ATE1: variants seen among roughly 807,000 people sequenced by gnomAD.
ATE1 encodes arginyl-tRNA--protein transferase 1.
In ATE1, 36 loss-of-function variants were observed where a neutral mutation model predicts 70.5. The observed-to-expected ratio is 0.51, with a 90% confidence interval of 0.39 to 0.67. ATE1 has a LOEUF of 0.67. Among genes scored for constraint, ATE1 ranks in the 30% least tolerant of loss-of-function variants. ATE1 has a pLI of 0.00. For synonymous variants in ATE1, 232 were observed against 219.3 expected, an observed-to-expected ratio of 1.06 and a Z score of -0.51; for missense variants, 593 against 629.5, an observed-to-expected ratio of 0.94 and a Z score of 0.62.
rs184409410 is a variant in ATE1, at chr10:121,806,522, A to G, written c.1258-16233T>C. Among the ~76,000 whole-genome samples, 78 of 152,210 alleles carry G rather than the reference A, an allele frequency of 5.1e-4. No homozygotes were observed. The East Asian group carries it at 0.013, about 25-fold the overall frequency. Reference sequence around the variant, plus strand: ...GATTAAACCCAGGATTGAGGGGGGGAAAGAATAAAATACACTATCAGGACA... The same window carrying G: ...GATTAAACCCAGGATTGAGGGGGGGGAAGAATAAAATACACTATCAGGACA... On this transcript the variant is annotated intron_variant, in intron 10 of 11. Transcript: ENST00000224652.
At chr10:121,778,684 C>T (rs1384256245) in intron 11 of ATE1, among the ~76,000 whole-genome samples, 1 of 151,110 alleles carries the variant, frequency 6.6e-6, no homozygotes, top group Non-Finnish European at 1.5e-5. Context: ...TCACTGCAGC[C>T]TCCAGCTCCT....
At position 121,794,859 on chromosome 10, in the gene ATE1, TG is replaced by T. The variant is rs1173110441; in HGVS notation, c.1258-4571del. On this transcript the variant is annotated intron_variant, in intron 10 of 11. Transcript: ENST00000224652. ...GAGTCCTTAAGGTTAAAACAGAGCCTGTTTTCCTTCATAACATAAACCTTGC... is the reference window on the plus strand; with the variant it reads ...GAGTCCTTAAGGTTAAAACAGAGCCTTTTTCCTTCATAACATAAACCTTGC... Among the ~76,000 whole-genome samples the T allele has an allele frequency of 7.8e-3, 1,194 of 152,258 alleles. 14 individuals carry two copies. Among genetic ancestry groups the T allele is most frequent in the African/African-American group, 0.028 (1,152 of 41,546 alleles).
chr10:121,807,950 T>C (rs1265564957), intron 10 of ATE1, among the ~76,000 whole-genome samples: 1 of 152,150 alleles, frequency 6.6e-6, no homozygotes, highest in African/African-American at 2.4e-5. Context: ...GCCTGAAGTA[T>C]TTACTATCTG....
rs528699013 is a variant in ATE1 at position 121,919,770 on chromosome 10, C to T, written c.233+2579G>A. ...AAAATTAACCAGGCCTAGCGGTGGG[C>T]ATCTGTAGTCCCGGATACTCAGGTG... On this transcript the variant is annotated intron_variant, in intron 3 of 11. Transcript: ENST00000224652. Among the ~76,000 whole-genome samples the T allele has an allele frequency of 3.9e-5, 6 of 152,114 alleles. No individual in the cohort carries two copies. The East Asian group carries it at 1.2e-3, about 30-fold the overall frequency.
intron 11 of ATE1, among the ~76,000 whole-genome samples, chr10:121,762,979 T>C (rs1018122544): frequency 1.3e-5 from 2 of 152,174 alleles, no homozygotes; most frequent in Admixed American, 1.3e-4. Context: ...CAAGAACCTA[T>C]TGATGATGTT....
chr10:121,798,697 C>T (rs571885395), intron 10 of ATE1, among the ~76,000 whole-genome samples: 40 of 152,174 alleles, frequency 2.6e-4, no homozygotes, highest in African/African-American at 6.7e-4. Context: ...GTCAGGAATT[C>T]GAGATCAGCC....
intron 11 of ATE1, among the ~76,000 whole-genome samples, chr10:121,773,605 C>T (rs1391004118): frequency 3.3e-5 from 5 of 151,820 alleles, no homozygotes; most frequent in African/African-American, 1.2e-4. Context: ...CAAACCTTTA[C>T]GAACTCTTCT....
At chr10:121,760,387 A>G (rs940398200) in intron 11 of ATE1, among the ~76,000 whole-genome samples, 1 of 152,240 alleles carries the variant, frequency 6.6e-6, no homozygotes, top group African/African-American at 2.4e-5. Context: ...AACATTTATT[A>G]TTCATGGGAG....
At chr10:121,751,241 A>G (rs1338115014) in intron 11 of ATE1, among the ~76,000 whole-genome samples, 2 of 152,250 alleles carry the variant, frequency 1.3e-5, no homozygotes, top group Non-Finnish European at 2.9e-5. Context: ...AGCTTGTAAA[A>G]TGTCATTTAA....
intron 10 of ATE1, among the ~76,000 whole-genome samples, chr10:121,790,951 TG>T (rs1385579830): frequency 6.4e-5 from 1 of 15,608 alleles, no homozygotes; most frequent in Non-Finnish European, 3.8e-4. Context: ...CATATATATG[TG>T]TATATATATA....
chr10:121,893,288 A>C (rs1056982462), intron 7 of ATE1, among the ~76,000 whole-genome samples: 5 of 150,804 alleles, frequency 3.3e-5, no homozygotes, highest in Admixed American at 6.7e-5. Flanking sequence ...AAAAAAAAAA[A>C]AAAAACAAAA....
Position 121,743,708 on chromosome 10 carries a change from G to C in ATE1, c.1529C>G (p.Ser510Cys). ...GTTTCTGAACAGCAGCATCCGCTCG[G>C]AGCACTTCTGCCCCACCAGGCTGGC... ...QYASLVGQKCSERMLLFRN is the reference protein window; with the variant it reads ...QYASLVGQKCCERMLLFRN Residue 510 changes from serine (S) to cysteine (C), a missense_variant, in exon 12 of 12, where the codon TCC becomes TGC. Ser to Cys is a moderately radical substitution (Grantham distance 112). Transcript: ENST00000224652. 6.2e-7 allele frequency: 1 copy of C among 1,613,010 alleles called. No homozygotes were observed. Among genetic ancestry groups the C allele is most frequent in the Non-Finnish European group, 8.5e-7 (1 of 1,179,696 alleles).
intron 11 of ATE1, among the ~76,000 whole-genome samples, chr10:121,747,002 G>A (rs545600901): frequency 1.4e-4 from 22 of 152,310 alleles, no homozygotes; most frequent in African/African-American, 5.1e-4. Context: ...CCTGTTCAGA[G>A]GTTTGTAGCA....
At chr10:121,837,864 C>T (rs1243272627) in intron 9 of ATE1, among the ~76,000 whole-genome samples, 1 of 152,100 alleles carries the variant, frequency 6.6e-6, no homozygotes, top group Non-Finnish European at 1.5e-5. Context: ...CCACCAATTC[C>T]GAGAAGGCCC....
At chr10:121,766,035 CT>C (rs148633466) in intron 11 of ATE1, among the ~76,000 whole-genome samples, 4,227 of 152,210 alleles carry the variant, frequency 0.028, 192 homozygotes, top group African/African-American at 0.096. Flanking sequence ...CAGCTTTACT[CT>C]TGTAAAACTT....
chr10:121,780,742 C>T (rs573014136), intron 11 of ATE1, among the ~76,000 whole-genome samples: 1 of 152,292 alleles, frequency 6.6e-6, no homozygotes, highest in Non-Finnish European at 1.5e-5. Flanking sequence ...TGCTTCTGTT[C>T]CATCCCCTGT....
At chr10:121,879,883 G>A (rs1201972082) in intron 7 of ATE1, among the ~76,000 whole-genome samples, 2 of 152,168 alleles carry the variant, frequency 1.3e-5, no homozygotes, top group Non-Finnish European at 2.9e-5. Context: ...CCATTTGTGA[G>A]GAGCAAGGAA....
chr10:121,891,186 T>C (rs933647926), intron 7 of ATE1, among the ~76,000 whole-genome samples: 5 of 152,128 alleles, frequency 3.3e-5, no homozygotes, highest in African/African-American at 1.2e-4. Context: ...ATCGGTTTTG[T>C]ACAGAGGACT....
At chr10:121,794,121 T>C (rs1946560357) in intron 10 of ATE1, among the ~76,000 whole-genome samples, 1 of 152,196 alleles carries the variant, frequency 6.6e-6, no homozygotes, top group Non-Finnish European at 1.5e-5. Flanking sequence ...TATAGGGAAA[T>C]CTCTTTCAAG....
Sources: allele counts gnomAD v4.1 joint callset (sites outside exome capture counted in the v4.1 genomes callset), GRCh38; gene constraint gnomAD v4.1.1; transcripts MANE v1.5; gene names NCBI Gene and HGNC (gene_info 2026-07-23, HGNC 2026-07-21).